Variants in MAGI1 observed in about 807,000 individuals in gnomAD.
MAGI1 encodes membrane-associated guanylate kinase, WW and PDZ domain-containing protein 1.
MAGI1 carries 58 observed loss-of-function variants against 139.9 expected under a neutral mutation model. That is an observed-to-expected ratio of 0.41 (90% CI 0.34 to 0.52). The LOEUF (loss-of-function observed/expected upper bound fraction) is 0.52, where lower values mean the gene tolerates loss of function less well. Ranked by LOEUF, MAGI1 falls within the 20% of genes least tolerant of loss-of-function variation. The pLI, the probability that MAGI1 is intolerant of heterozygous loss-of-function variation, is 0.12. For missense variants in MAGI1, 1,874 were observed against 1,901.6 expected (o/e 0.99, Z 0.27); for synonymous variants, 812 against 737.9 (o/e 1.10, Z -1.63).
At chr3:65,540,694 A>G (rs1559651908) in intron 2 of MAGI1, among the ~76,000 whole-genome samples, 1 of 152,216 alleles carries the variant, frequency 6.6e-6, no homozygotes, top group African/African-American at 2.4e-5. Flanking sequence ...AGAGGTAATG[A>G]TTCATCAGAG....
At chr3:65,877,249 A>G (rs2060152345) in intron 1 of MAGI1, among the ~76,000 whole-genome samples, 1 of 152,188 alleles carries the variant, frequency 6.6e-6, no homozygotes, top group Non-Finnish European at 1.5e-5. Flanking sequence ...AGTTTTTGAC[A>G]TAATCACCAA....
intron 1 of MAGI1, among the ~76,000 whole-genome samples, chr3:65,947,939 T>C (rs2063616474): frequency 8.7e-6 from 1 of 114,724 alleles, no homozygotes; most frequent in South Asian, 3.2e-4. Flanking sequence ...TATCTTTCTC[T>C]TTTTTTTTTT....
intron 1 of MAGI1, among the ~76,000 whole-genome samples, chr3:65,715,355 T>C (rs763479763): frequency 6.6e-6 from 1 of 152,222 alleles, no homozygotes; most frequent in African/African-American, 2.4e-5. Context: ...GTCAGGATTT[T>C]GATTTTTTGT....
chr3:65,727,003 A>C (rs866490884), intron 1 of MAGI1, among the ~76,000 whole-genome samples: 33 of 152,162 alleles, frequency 2.2e-4, no homozygotes, highest in Middle Eastern at 3.4e-3. Context: ...TTCTGGTCCC[A>C]AGCATTCCAG....
At chr3:65,371,822 C>T in intron 18 of MAGI1, 3 of 353,540 alleles carry the variant, frequency 8.5e-6, no homozygotes, top group South Asian at 6.8e-5. Flanking sequence ...AGAAGCAACT[C>T]CTCATCTGTT....
intron 1 of MAGI1, among the ~76,000 whole-genome samples, chr3:65,987,758 G>A (rs1177625462): frequency 1.3e-5 from 2 of 151,684 alleles, no homozygotes; most frequent in East Asian, 1.9e-4. Context: ...TTGTAGGGAT[G>A]GGGTTTCCCC....
chr3:65,543,034 G>T (rs1411326432), intron 2 of MAGI1, among the ~76,000 whole-genome samples: 1 of 151,650 alleles, frequency 6.6e-6, no homozygotes, highest in African/African-American at 2.4e-5. Flanking sequence ...GAATCTACAA[G>T]GAACTTAAAC....
chr3:65,431,181 G>T (rs962236186), intron 10 of MAGI1, among the ~76,000 whole-genome samples: 2 of 152,152 alleles, frequency 1.3e-5, no homozygotes, highest in Non-Finnish European at 2.9e-5. Context: ...CATGCACTTT[G>T]ACAGGAATTG....
intron 1 of MAGI1, among the ~76,000 whole-genome samples, chr3:65,745,817 A>T (rs1163783552): frequency 1.3e-5 from 2 of 151,092 alleles, no homozygotes; most frequent in Non-Finnish European, 3.0e-5. Flanking sequence ...GCAACCTCAG[A>T]CTCCCAGGCT....
intron 1 of MAGI1, among the ~76,000 whole-genome samples, chr3:65,657,155 C>A (rs956524962): frequency 6.6e-6 from 1 of 152,040 alleles, no homozygotes; most frequent in Non-Finnish European, 1.5e-5. Context: ...GAAGTAGGTA[C>A]TATTCTTATC....
At chr3:65,885,572 A>C (rs1291056225) in intron 1 of MAGI1, among the ~76,000 whole-genome samples, 1 of 152,000 alleles carries the variant, frequency 6.6e-6, no homozygotes, top group Non-Finnish European at 1.5e-5. Flanking sequence ...ACCCAGTGGG[A>C]GGTACCTTAA....
chr3:65,568,501 T>C (rs1399312162), intron 2 of MAGI1, among the ~76,000 whole-genome samples: 1 of 152,162 alleles, frequency 6.6e-6, no homozygotes, highest in Non-Finnish European at 1.5e-5. Context: ...AGCTCTCACT[T>C]GATTATACTC....
At chr3:65,429,451 A>G in intron 12 of MAGI1, 69 bp downstream of exon 12, 2 of 1,438,854 alleles carry the variant, frequency 1.4e-6, no homozygotes, top group South Asian at 2.7e-5. Context: ...TGGTCATCTG[A>G]AGATGAGTAA....
chr3:65,998,801 A>C (rs1180815729), intron 1 of MAGI1, among the ~76,000 whole-genome samples: 1 of 152,164 alleles, frequency 6.6e-6, no homozygotes. Flanking sequence ...CTAATGCAAA[A>C]AGCCTTGAAG....
At chr3:65,700,196 C>A (rs1414498938) in intron 1 of MAGI1, among the ~76,000 whole-genome samples, 1 of 152,134 alleles carries the variant, frequency 6.6e-6, no homozygotes, top group Non-Finnish European at 1.5e-5. Flanking sequence ...GTAATTCCAG[C>A]ATTTTGGGAG....
chr3:65,379,061 G>A, intron 17 of MAGI1, 200 bp downstream of exon 17: 1 of 1,084,456 alleles, frequency 9.2e-7, no homozygotes, highest in Non-Finnish European at 1.3e-6. Flanking sequence ...GAAGTTGAAA[G>A]GGTTGAACAA....
intron 3 of MAGI1, among the ~76,000 whole-genome samples, chr3:65,489,868 G>A (rs1335985181): frequency 6.6e-6 from 1 of 152,166 alleles, no homozygotes; most frequent in Non-Finnish European, 1.5e-5. Context: ...TTTGCTGTAG[G>A]AACTATTCCA....
intron 1 of MAGI1, among the ~76,000 whole-genome samples, chr3:65,856,839 C>A (rs6764204): frequency 0.22 from 32,909 of 152,158 alleles, 4,034 homozygotes; most frequent in Middle Eastern, 0.31. Context: ...CTTGCCTCTC[C>A]ATGGGAGTTT....
chr3:65,628,673 T>C (rs533523550), intron 1 of MAGI1, among the ~76,000 whole-genome samples: 3 of 152,176 alleles, frequency 2.0e-5, no homozygotes, highest in Admixed American at 1.3e-4. Context: ...TAGAAGAAAT[T>C]CCCTGAAATG....
Sources: allele counts gnomAD v4.1 joint callset (sites outside exome capture counted in the v4.1 genomes callset), GRCh38; gene constraint gnomAD v4.1.1; transcripts MANE v1.5; gene names NCBI Gene and HGNC (gene_info 2026-07-23, HGNC 2026-07-21).